EPHA2: variants seen among roughly 807,000 people sequenced by gnomAD.
EPHA2 encodes the protein EPH receptor A2, also known as ephrin type-A receptor 2.
EPHA2 carries 54 observed loss-of-function variants against 104.9 expected under a neutral mutation model. The ratio of observed to expected loss-of-function variants is 0.51; its 90% CI spans 0.41 to 0.65. EPHA2 has a LOEUF of 0.65. EPHA2 is among the 30% of genes least tolerant of loss of function. The pLI, the probability that EPHA2 is intolerant of heterozygous loss-of-function variation, is 0.00. For synonymous variants in EPHA2, 560 were observed against 559.1 expected, an observed-to-expected ratio of 1.00 and a Z score of -0.02; for missense variants, 1,117 against 1,369.5, an observed-to-expected ratio of 0.82 and a Z score of 2.91.
intron 3 of EPHA2, among the ~76,000 whole-genome samples, chr1:16,146,170 A>AGGAATTT (rs1237839368): frequency 6.6e-6 from 1 of 152,180 alleles, no homozygotes; most frequent in African/African-American, 2.4e-5. Flanking sequence ...TGGTGGGAGG[A>AGGAATTT]TCCCGAGGAG....
At chr1:16,126,259 G>A (rs2024464759) in intron 16 of EPHA2, among the ~76,000 whole-genome samples, 1 of 152,180 alleles carries the variant, frequency 6.6e-6, no homozygotes, top group South Asian at 2.1e-4. Context: ...GAACCTGTGA[G>A]GAGGGCATTT....
In EPHA2 at chr1:16,135,676, G is replaced by A. The variant is rs201532782; in HGVS notation, c.1407C>T (p.Tyr469=). 324 of 1,613,906 alleles carry A rather than the reference G, an allele frequency of 2.0e-4. 4 individuals carry two copies. In the Admixed American group the frequency reaches 4.7e-3, roughly 23 times the overall value. ...TTACCTTCTTGCGGTAAGTGACCTC[G>A]TACTTCCACACTCGGCTCTGCTGCG... is the stretch of plus-strand genomic sequence containing the variant. ...PPPQQSRVWK[Y]EVTYRKKGDS... The change falls in exon 6 of 17, where the codon TAC becomes TAT. Residue 469 remains tyrosine (Y), a synonymous_variant. Coordinates refer to ENST00000358432, the MANE Select transcript of EPHA2 (RefSeq NM_004431.5). This position sits in a 1 kb window ranked among gnomAD's most constrained non-coding sequence, Gnocchi z 4.3.
chr1:16,131,368 C>T lies in EPHA2; in HGVS notation c.2475+353G>A, dbSNP rs2024566171. On this transcript the variant is annotated intron_variant, in intron 14 of 16. Transcript: ENST00000358432. The surrounding 1 kb of genome is among the most constrained non-coding windows in gnomAD (Gnocchi z 5.2). Reference sequence around the variant, plus strand: ...GCTGAGGCATGTGGATCACCTGAAGCGAGGAGCTAGAGACCAGCCTGGCCA... The same window carrying T: ...GCTGAGGCATGTGGATCACCTGAAGTGAGGAGCTAGAGACCAGCCTGGCCA... Among the ~76,000 whole-genome samples, 1 of 152,066 alleles carries T rather than the reference C, an allele frequency of 6.6e-6. No homozygotes were observed. Among genetic ancestry groups the T allele is most frequent in the Admixed American group, 6.6e-5 (1 of 15,244 alleles).
At chr1:16,132,988 TG>T (rs369890717) in intron 11 of EPHA2, 191 bp downstream of exon 11, 114 of 604,714 alleles carry the variant, frequency 1.9e-4, no homozygotes, top group Middle Eastern at 4.7e-4. Context: ...GGTGCAGGTA[TG>T]GGGGGAAGGT....
At chr1:16,133,961 T>A in intron 8 of EPHA2, 46 bp from the exon 9 acceptor site, 1 of 1,544,174 alleles carries the variant, frequency 6.5e-7, no homozygotes, top group South Asian at 1.2e-5. Context: ...GTCAGTGAGG[T>A]CTGCTCCGGC....
At chr1:16,151,462 A>G (rs952009679) in intron 1 of EPHA2, among the ~76,000 whole-genome samples, 1 of 152,068 alleles carries the variant, frequency 6.6e-6, no homozygotes, top group Non-Finnish European at 1.5e-5. Flanking sequence ...CACCAACCCC[A>G]CTCAGGTCAT....
chr1:16,153,146 A>G, intron 1 of EPHA2: 1 of 985,222 alleles, frequency 1.0e-6, no homozygotes. Context: ...AAAAAAGCAA[A>G]AAACACCTCC....
rs1337687032 is a variant in EPHA2, at chr1:16,134,347, A to C, written c.1682+121T>G. 9.1e-7 allele frequency: 1 copy of C among 1,100,800 alleles called. No homozygotes were observed. The highest frequency in any genetic ancestry group is 1.5e-5 in the African/African-American group (1 of 64,520). 68.2% of individuals were successfully genotyped at this position (1,100,800 alleles called of 1,614,324 possible). The stretch of plus-strand genomic sequence containing the variant: ...ACTCGTATATCCTCGCACCATCCGG[A>C]GGCAGGGATTAGACTCGACTAGCAT... On this transcript the variant is annotated intron_variant, in intron 8 of 16. Coordinates refer to ENST00000358432, the MANE Select transcript of EPHA2 (RefSeq NM_004431.5). This position sits in a 1 kb window ranked among gnomAD's most constrained non-coding sequence, Gnocchi z 4.5.
intron 5 of EPHA2, among the ~76,000 whole-genome samples, chr1:16,136,316 A>AATAATC (rs1236138467): frequency 7.0e-6 from 1 of 142,140 alleles, no homozygotes; most frequent in Admixed American, 6.9e-5. Context: ...TAATAATAAT[A>AATAATC]ATAATAATAA....
Position 16,133,303 on chromosome 1 carries a change from C to T in EPHA2, c.1930G>A (p.Ala644Thr), listed in dbSNP as rs2024614335. The change falls in exon 11 of 17, where the codon GCC (alanine) becomes ACC (threonine). Residue 644 changes from alanine to threonine, a missense_variant. Transcript: ENST00000358432. ...TSSGKKEVPV[A>T]IKTLKAGYTE... Reference sequence around the variant, plus strand: ...TAGCCGGCTTTCAGCGTCTTGATGGCCACCGGCACCTCCTTCTTCCCCGAG... The same window carrying T: ...TAGCCGGCTTTCAGCGTCTTGATGGTCACCGGCACCTCCTTCTTCCCCGAG... The T allele has an allele frequency of 6.2e-7, 1 of 1,613,754 alleles. No homozygotes were observed.
In EPHA2 at chr1:16,132,102, C is replaced by T. The variant is rs201340421; in HGVS notation, c.2287G>A (p.Val763Met). Residue 763 changes from valine to methionine, a missense_variant, in exon 13 of 17, where the codon GTG becomes ATG. Val to Met is a conservative substitution (Grantham distance 21, BLOSUM62 1). This residue lies in a region of EPHA2 where 340 missense variants were observed against 480.5 expected (regional missense o/e 0.71). Coordinates refer to ENST00000358432, the MANE Select transcript of EPHA2 (RefSeq NM_004431.5). ...GTGGCCTCGGGGTCGTCCTCCAGCA[C>T]GCGGGACAGGCCAAAGTCAGACACC... ...CKVSDFGLSR[V>M]LEDDPEATYT... 13 of 1,614,094 alleles carry T rather than the reference C, an allele frequency of 8.1e-6. No individual in the cohort carries two copies. The highest frequency in any genetic ancestry group is 2.2e-5 in the South Asian group (2 of 91,088).
At chr1:16,133,045 G>T in intron 11 of EPHA2, 135 bp downstream of exon 11, 1 of 1,251,756 alleles carries the variant, frequency 8.0e-7, no homozygotes, top group Non-Finnish European at 1.1e-6. Context: ...GGAGAAGTGG[G>T]CACAGTTGTA....
At chr1:16,155,283 T>C (rs1557519834) in intron 1 of EPHA2, 1 of 152,206 alleles carries the variant, frequency 6.6e-6, no homozygotes, top group Non-Finnish European at 1.5e-5. Flanking sequence ...AAGGAGTGTG[T>C]GAGCAGGGAT....
intron 3 of EPHA2, among the ~76,000 whole-genome samples, chr1:16,144,802 C>T (rs957765639): frequency 2.2e-5 from 3 of 138,030 alleles, no homozygotes; most frequent in Non-Finnish European, 4.4e-5. Flanking sequence ...GCCAGGCCCC[C>T]GTTCTTTTGG....
rs889801936 is a variant in EPHA2 at position 16,150,633 on chromosome 1, C to A, written c.153+263G>T. On this transcript the variant is annotated intron_variant, in intron 2 of 16. Transcript: ENST00000358432. The surrounding 1 kb of genome is among the most constrained non-coding windows in gnomAD (Gnocchi z 4.8). The stretch of plus-strand genomic sequence containing the variant: ...TTCTGGAACATGGAAGGCCCAGCTC[C>A]GCTAGGGCCTTCTCTGTCTCCCCAG... 1.3e-5 allele frequency among the ~76,000 whole-genome samples: 2 copies of A among 152,208 alleles called. No homozygotes were observed. The highest frequency in any genetic ancestry group is 3.9e-4 in the East Asian group (2 of 5,182).
At chr1:16,151,199 T>C (rs1027651003) in intron 1 of EPHA2, among the ~76,000 whole-genome samples, 4 of 152,124 alleles carry the variant, frequency 2.6e-5, no homozygotes, top group African/African-American at 9.7e-5. Context: ...GGACTGGGCC[T>C]CCAGTCTCCC....
chr1:16,129,277 G>A (rs866479005), intron 16 of EPHA2, among the ~76,000 whole-genome samples, 157 bp downstream of exon 16: 53 of 151,958 alleles, frequency 3.5e-4, no homozygotes, highest in Non-Finnish European at 4.7e-4. Context: ...AGCTGCTGGC[G>A]GAGTTCTGCC....
At position 16,129,484 on chromosome 1, in the gene EPHA2, G is replaced by A. The variant is rs1290138162; in HGVS notation, c.2775C>T (p.Phe925=). The A allele has an allele frequency of 6.2e-7, 1 of 1,613,820 alleles. No homozygotes were observed. Among genetic ancestry groups the A allele is most frequent in the Admixed American group, 1.7e-5 (1 of 59,998 alleles). ...CGATGGCAGTGTAGCCGGCCGCCAT[G>A]AAGTGCTCCGTATACTGCTGCATCT... is the stretch of plus-strand genomic sequence containing the variant. ...SIKMQQYTEH[F]MAAGYTAIEK... The change falls in exon 16 of 17, where the codon TTC becomes TTT. Residue 925 remains phenylalanine, a synonymous_variant. Transcript: ENST00000358432.
intron 3 of EPHA2, among the ~76,000 whole-genome samples, chr1:16,146,033 G>A (rs1003170157): frequency 2.6e-5 from 4 of 152,214 alleles, no homozygotes; most frequent in South Asian, 2.1e-4. Context: ...CTACGGTAGC[G>A]ACTGTCATCA....
Sources: allele counts gnomAD v4.1 joint callset (sites outside exome capture counted in the v4.1 genomes callset), GRCh38; gene constraint gnomAD v4.1.1; regional missense constraint gnomAD v4.1.1; non-coding constraint Gnocchi (gnomAD v3.1); transcripts MANE v1.5; gene names NCBI Gene and HGNC (gene_info 2026-07-23, HGNC 2026-07-21).